The following PER3 variants were observed in gnomAD, a reference collection of about 807,000 sequenced individuals.
PER3 encodes the protein period circadian regulator 3.
Under a neutral mutation model 127.2 loss-of-function variants are expected in PER3, and 107 were observed. The observed-to-expected ratio is 0.84, with a 90% CI of 0.72 to 0.99. The LOEUF (loss-of-function observed/expected upper bound fraction) is 0.99, where lower values mean the gene tolerates loss of function less well. Ranked by LOEUF, PER3 falls within the 50% of genes least tolerant of loss-of-function variation. The probability of loss-of-function intolerance (pLI) is 0.00; values close to 1 mark genes in which losing one functional copy is unlikely to be tolerated. For missense variants in PER3, 1,560 were observed against 1,525.8 expected, an observed-to-expected ratio of 1.02 and a Z score of -0.37; for synonymous variants, 618 against 585.8, an observed-to-expected ratio of 1.05 and a Z score of -0.79.
chr1:7,819,060 G>T (rs556683263), intron 13 of PER3, among the ~76,000 whole-genome samples: 1 of 152,220 alleles, frequency 6.6e-6, no homozygotes, highest in Admixed American at 6.5e-5. Flanking sequence ...AAATACAATC[G>T]TAGCCATTCT....
chr1:7,841,210 GC>G (rs1442732922), intron 21 of PER3, among the ~76,000 whole-genome samples: 4 of 152,092 alleles, frequency 2.6e-5, no homozygotes, highest in Admixed American at 2.6e-4. Context: ...GCCATCCTGG[GC>G]CGCATGTGGC....
Position 7,798,767 on chromosome 1 carries a change from T to C in PER3, c.793+94T>C. 5.2e-6 allele frequency: 5 copies of C among 962,254 alleles called. No individual in the cohort carries two copies. In the South Asian group the frequency reaches 6.0e-5, roughly 12 times the overall value. 59.6% of individuals were successfully genotyped at this position (962,254 alleles called of 1,614,324 possible). On this transcript the variant is annotated intron_variant, in intron 7 of 21. Transcript: ENST00000377532. ...AGTCATAGAACAACAAAAAGAGCTC[T>C]TGGGTCTCCAATTTGACCCTTAAAC...
In PER3 at chr1:7,826,348, C is replaced by T. The variant is rs549405993; in HGVS notation, c.1958-132C>T. 2 of 623,106 alleles carry T rather than the reference C, an allele frequency of 3.2e-6. No individual in the cohort carries two copies. Among genetic ancestry groups the T allele is most frequent in the South Asian group, 2.0e-5 (1 of 49,432 alleles). 38.6% of individuals were successfully genotyped at this position (623,106 alleles called of 1,614,324 possible). On this transcript the variant is annotated intron_variant, in intron 16 of 21. Transcript: ENST00000377532. This position sits in a 1 kb window ranked among gnomAD's most constrained non-coding sequence, Gnocchi z 4.2. Reference sequence around the variant, plus strand: ...GAAAATGAAGAATTTCTGTGCTAGGCTAATGAAGATTTTTCGTATTCCAGC... The same window carrying T: ...GAAAATGAAGAATTTCTGTGCTAGGTTAATGAAGATTTTTCGTATTCCAGC...
At chr1:7,787,927 T>TTGTA in intron 4 of PER3, 118 bp from the exon 5 acceptor site, 1 of 718,760 alleles carries the variant, frequency 1.4e-6, no homozygotes, top group Non-Finnish European at 2.4e-6. Flanking sequence ...CATTTGTAGG[T>TTGTA]TGTGCCTGTG....
Position 7,844,512 on chromosome 1 carries a change from C to G in PER3, c.*1757C>G, listed in dbSNP as rs970126902. 1 of 152,694 alleles carries G rather than the reference C, an allele frequency of 6.5e-6. No homozygotes were observed. Among genetic ancestry groups the G allele is most frequent in the Admixed American group, 6.5e-5 (1 of 15,284 alleles). 9.5% of individuals were successfully genotyped at this position (152,694 alleles called of 1,614,324 possible). A position where few individuals can be genotyped will look rare whatever the true frequency, so the allele number is the denominator to read the frequency against. On this transcript the variant is annotated 3_prime_UTR_variant, in exon 22 of 22. Transcript: ENST00000377532. ...TGCCACTGTAAATAAAAACAGTATC[C>G]GTAGCTATCAGGATCATTGCGCACT...
intron 6 of PER3, among the ~76,000 whole-genome samples, chr1:7,796,604 C>A (rs2097146757): frequency 6.6e-6 from 1 of 151,968 alleles, no homozygotes; most frequent in African/African-American, 2.4e-5. Context: ...CGTGAGCCAC[C>A]ATGCCTGGCC....
chr1:7,793,180 G>A (rs1558389454), intron 5 of PER3, among the ~76,000 whole-genome samples: 1 of 152,122 alleles, frequency 6.6e-6, no homozygotes, highest in Non-Finnish European at 1.5e-5. Context: ...AAGACTTCTT[G>A]TTTCAGTGAA....
chr1:7,804,310 T>C (rs1242900021), intron 10 of PER3, among the ~76,000 whole-genome samples: 1 of 145,618 alleles, frequency 6.9e-6, no homozygotes, highest in Non-Finnish European at 1.5e-5. Context: ...TTTCTTTCTT[T>C]CTTTTTTTTT....
In PER3 at chr1:7,827,352, C is replaced by A. The variant is rs1380805622; in HGVS notation, c.2423C>A (p.Pro808Gln). 6.2e-7 allele frequency: 1 copy of A among 1,613,988 alleles called. No individual in the cohort carries two copies. The highest frequency in any genetic ancestry group is 8.5e-7 in the Non-Finnish European group (1 of 1,180,020). ...CCCAGCCAGGCCCCTTACCTCGTCC[C>A]AGCTTTTCCCCTCCCAGCCGCGACC... is the stretch of plus-strand genomic sequence containing the variant. ...MVPSQAPYLVPAFPLPAATSP... is the reference protein window; with the variant it reads ...MVPSQAPYLVQAFPLPAATSP... Residue 808 changes from proline (P) to glutamine (Q), a missense_variant, in exon 18 of 22, where the codon CCA (proline) becomes CAA (glutamine). By Grantham distance (76) the Pro-to-Gln change is moderately conservative. Coordinates refer to ENST00000377532, the MANE Select transcript of PER3 (RefSeq NM_001377275.1).
intron 3 of PER3, 134 bp downstream of exon 3, chr1:7,785,720 A>G (rs527732285): frequency 4.4e-6 from 3 of 682,674 alleles, no homozygotes; most frequent in South Asian, 3.9e-5. Context: ...AGATGAGCAA[A>G]TCTACACCGA....
At chr1:7,813,446 A>G (rs2097230584) in intron 13 of PER3, among the ~76,000 whole-genome samples, 1 of 152,210 alleles carries the variant, frequency 6.6e-6, no homozygotes, top group Non-Finnish European at 1.5e-5. Context: ...GGAGAGAAAC[A>G]TATTTGCAGG....
chr1:7,807,685 C>T (rs758702403), intron 10 of PER3, among the ~76,000 whole-genome samples: 5 of 152,068 alleles, frequency 3.3e-5, no homozygotes, highest in African/African-American at 9.7e-5. Flanking sequence ...GTGAGAACTC[C>T]GTGAGCTGAT....
chr1:7,841,731 C>A (rs1466741115), intron 21 of PER3, among the ~76,000 whole-genome samples: 1 of 152,152 alleles, frequency 6.6e-6, no homozygotes, highest in Non-Finnish European at 1.5e-5. Context: ...GAGTGTCTGT[C>A]ATGTAAGAAT....
chr1:7,821,810 G>C (rs1444652393), intron 16 of PER3, among the ~76,000 whole-genome samples: 1 of 152,204 alleles, frequency 6.6e-6, no homozygotes, highest in East Asian at 1.9e-4. Context: ...TCAGAGCCCA[G>C]ATATTCCTTA....
intron 21 of PER3, among the ~76,000 whole-genome samples, chr1:7,839,574 A>T (rs1373466172): frequency 6.6e-6 from 1 of 152,124 alleles, no homozygotes; most frequent in Non-Finnish European, 1.5e-5. Flanking sequence ...CATTTCTTGG[A>T]TGGTAGGTCT....
In PER3 at chr1:7,827,713, A is replaced by G. The variant is rs2097309370; in HGVS notation, c.2784A>G (p.Arg928=). 1.9e-6 allele frequency: 3 copies of G among 1,614,094 alleles called. No individual in the cohort carries two copies. The highest frequency in any genetic ancestry group is 2.5e-6 in the Non-Finnish European group (3 of 1,179,994). Residue 928 remains arginine, a synonymous_variant, in exon 18 of 22, where the codon AGA becomes AGG. Coordinates refer to ENST00000377532, the MANE Select transcript of PER3 (RefSeq NM_001377275.1). The part of the protein sequence containing the change: ...QSEGHPFITS[R]SSSPLQLNLL... Reference sequence around the variant, plus strand: ...AGGGGCACCCGTTCATTACTTCGAGAAGCAGCTCACCCTTGCAGTTAAACT... The same window carrying G: ...AGGGGCACCCGTTCATTACTTCGAGGAGCAGCTCACCCTTGCAGTTAAACT...
rs148661285 is a variant in PER3, at chr1:7,802,261, G to GTT, written c.873-779_873-778dup. ...GATATTACCTTTTGGGTGACATTGT[G>GTT]TTTTTTTTGTTTTGTTTTTGAGATG... On this transcript the variant is annotated intron_variant, in intron 8 of 21. Coordinates refer to ENST00000377532, the MANE Select transcript of PER3 (RefSeq NM_001377275.1). Among the ~76,000 whole-genome samples the GTT allele has an allele frequency of 8.8e-3, 1,328 of 151,750 alleles. 22 individuals carry two copies. Among genetic ancestry groups the GTT allele is most frequent in the African/African-American group, 0.031 (1,276 of 41,384 alleles).
intron 21 of PER3, among the ~76,000 whole-genome samples, chr1:7,837,650 G>C (rs2097364623): frequency 6.6e-6 from 1 of 152,226 alleles, no homozygotes; most frequent in South Asian, 2.1e-4. Flanking sequence ...AGCCTGAACA[G>C]TAAAGCTTTG....
chr1:7,828,000 G>A (rs571186733), intron 18 of PER3, among the ~76,000 whole-genome samples, 185 bp downstream of exon 18: 1 of 152,314 alleles, frequency 6.6e-6, no homozygotes, highest in South Asian at 2.1e-4. Flanking sequence ...TTGGAAAGTA[G>A]ACATGAAAGA....
Sources: gnomAD v4.1 joint callset for allele counts (sites outside exome capture counted in the v4.1 genomes callset) on GRCh38, gnomAD v4.1.1 for gene constraint, Gnocchi (gnomAD v3.1) non-coding constraint, MANE v1.5 for transcripts, NCBI Gene and HGNC (gene_info 2026-07-23, HGNC 2026-07-21) for gene names.